SI: variants seen among roughly 807,000 people sequenced by gnomAD.
SI encodes sucrase-isomaltase.
SI carries 235 observed loss-of-function variants against 253.3 expected under a neutral mutation model. That is an observed-to-expected ratio of 0.93 (90% CI 0.83 to 1.03). SI has a LOEUF of 1.03. Among genes scored for constraint, SI ranks in the 50% least tolerant of loss-of-function variants. The probability of loss-of-function intolerance (pLI) is 0.00; values close to 1 mark genes in which losing one functional copy is unlikely to be tolerated. For synonymous variants in SI, 819 were observed against 712.0 expected (o/e 1.15, Z -2.39); for missense variants, 2,442 against 2,211.1 (o/e 1.10, Z -2.09).
At chr3:165,056,088 C>T (rs537833997) in intron 12 of SI, among the ~76,000 whole-genome samples, 1 of 152,006 alleles carries the variant, frequency 6.6e-6, no homozygotes, top group East Asian at 1.9e-4. Flanking sequence ...TCACATTAGG[C>T]AAGGAGAATT....
chr3:165,015,303 A>G, intron 32 of SI, 70 bp from the exon 33 acceptor site: 1 of 1,036,500 alleles, frequency 9.6e-7, no homozygotes, highest in South Asian at 1.3e-5. Context: ...GTGATTATGA[A>G]GCATAAGTTT....
At chr3:165,014,507 C>G (rs1718934159) in intron 33 of SI, among the ~76,000 whole-genome samples, 1 of 152,122 alleles carries the variant, frequency 6.6e-6, no homozygotes, top group South Asian at 2.1e-4. Context: ...CCTTGGCCTC[C>G]CAAAGAGCTG....
chr3:165,025,519 C>T (rs1711864844), intron 25 of SI, among the ~76,000 whole-genome samples: 1 of 151,058 alleles, frequency 6.6e-6, no homozygotes, highest in Non-Finnish European at 1.5e-5. Context: ...ATATTCATCG[C>T]AAAAAGGTCA....
chr3:165,073,550 G>T (rs930177498), intron 3 of SI, among the ~76,000 whole-genome samples: 3 of 151,940 alleles, frequency 2.0e-5, no homozygotes. Flanking sequence ...AAATTTTATA[G>T]TTTATTCAGT....
At chr3:165,075,769 C>A in intron 2 of SI, 126 bp downstream of exon 2, 2 of 612,604 alleles carry the variant, frequency 3.3e-6, no homozygotes, top group Non-Finnish European at 3.0e-6. Context: ...AATTGTGTAA[C>A]TTACCCTGGA....
Position 165,015,141 on chromosome 3 carries a change from A to T in SI, c.3981T>A (p.Asn1327Lys). The T allele has an allele frequency of 6.2e-7, 1 of 1,611,352 alleles. No homozygotes were observed. Among genetic ancestry groups the T allele is most frequent in the South Asian group, 1.1e-5 (1 of 91,020 alleles). ...TTAGTACCTTTGCCCAACAAATGTCATTGGTGTTTGGCCATTTGACAAAGA... is the reference window on the plus strand; with the variant it reads ...TTAGTACCTTTGCCCAACAAATGTCTTTGGTGTTTGGCCATTTGACAAAGA... ...NDVFVKWPNTNDICWAKVWPD... is the reference protein window; with the variant it reads ...NDVFVKWPNTKDICWAKVWPD... The change falls in exon 33 of 48, where the codon AAT (asparagine) becomes AAA (lysine). Residue 1327 changes from asparagine to lysine, a missense_variant. By Grantham distance (94) the Asn-to-Lys change is moderately conservative. Transcript: ENST00000264382.
At chr3:164,979,925 T>G (rs1717099772) in intron 47 of SI, among the ~76,000 whole-genome samples, 1 of 151,878 alleles carries the variant, frequency 6.6e-6, no homozygotes, top group Admixed American at 6.6e-5. Flanking sequence ...TCACTGGAGA[T>G]AATCTAAAGT....
At chr3:164,998,089 T>C (rs891674981) in intron 38 of SI, among the ~76,000 whole-genome samples, 2 of 151,830 alleles carry the variant, frequency 1.3e-5, no homozygotes, top group African/African-American at 4.8e-5. Context: ...TTTTTAGCTG[T>C]TTGAGGAATC....
chr3:165,069,342 T>C (rs1714421351), intron 3 of SI, 147 bp from the exon 4 acceptor site: 3 of 648,224 alleles, frequency 4.6e-6, no homozygotes, highest in Non-Finnish European at 8.3e-6. Flanking sequence ...TTTTGTTTCT[T>C]CTACCTGGAA....
At chr3:165,004,400 A>C (rs1718402794) in intron 37 of SI, among the ~76,000 whole-genome samples, 2 of 152,160 alleles carry the variant, frequency 1.3e-5, no homozygotes, top group African/African-American at 2.4e-5. Flanking sequence ...AAGTTTCCCC[A>C]AAAAATAAAA....
chr3:165,077,681 T>A (rs1715091078), intron 1 of SI, among the ~76,000 whole-genome samples: 1 of 151,734 alleles, frequency 6.6e-6, no homozygotes, highest in South Asian at 2.1e-4. Context: ...ACATTTAGTG[T>A]ACAACTTTAA....
At chr3:165,048,966 G>A (rs1407651850) in intron 15 of SI, among the ~76,000 whole-genome samples, 161 bp downstream of exon 15, 3 of 152,026 alleles carry the variant, frequency 2.0e-5, no homozygotes, top group Admixed American at 6.6e-5. Flanking sequence ...ATATTAGTAA[G>A]AGAACTGATA....
chr3:165,076,950 T>C (rs948080922), intron 1 of SI, among the ~76,000 whole-genome samples: 47 of 150,472 alleles, frequency 3.1e-4, no homozygotes, highest in African/African-American at 1.1e-3. Context: ...AGTGCTTTAA[T>C]AAATTATTGG....
rs1717065664 is a variant in SI, at chr3:164,979,308, G to C, written c.*54C>G. ...GAAGAGGGAAAATTGTAAGTGCTGT[G>C]AAACTTAAATCCTGGTGTTTTTTCC... On this transcript the variant is annotated 3_prime_UTR_variant, in exon 48 of 48. Transcript: ENST00000264382. 9.6e-7 allele frequency: 1 copy of C among 1,044,962 alleles called. No individual in the cohort carries two copies. Among genetic ancestry groups the C allele is most frequent in the Non-Finnish European group, 1.5e-6 (1 of 665,834 alleles). The allele number at this position is 1,044,962 out of a possible 1,614,324, so 64.7% of individuals were successfully genotyped here. A position where few individuals can be genotyped will look rare whatever the true frequency, so the allele number is the denominator to read the frequency against.
At chr3:165,075,760 A>C in intron 2 of SI, 135 bp downstream of exon 2, 1 of 587,070 alleles carries the variant, frequency 1.7e-6, no homozygotes, top group East Asian at 2.8e-5. Context: ...AGTGGAAGTA[A>C]TTGTGTAACT....
chr3:165,058,913 T>C, intron 12 of SI, 50 bp downstream of exon 12: 1 of 1,490,686 alleles, frequency 6.7e-7, no homozygotes, highest in Non-Finnish European at 9.3e-7. Flanking sequence ...CTTTATTATT[T>C]CAGAGAAGAA....
At chr3:165,054,073 T>C (rs1276676392) in intron 13 of SI, among the ~76,000 whole-genome samples, 2 of 152,112 alleles carry the variant, frequency 1.3e-5, no homozygotes, top group African/African-American at 4.8e-5. Context: ...TCCATCTTTG[T>C]ATTCCCAACA....
intron 9 of SI, among the ~76,000 whole-genome samples, chr3:165,062,028 C>G (rs1410496636): frequency 6.6e-6 from 1 of 151,922 alleles, no homozygotes; most frequent in African/African-American, 2.4e-5. Context: ...ATTGCCTATC[C>G]TCAGTGTTAA....
chr3:165,018,876 T>C (rs1243014713), intron 28 of SI, among the ~76,000 whole-genome samples: 3 of 151,780 alleles, frequency 2.0e-5, no homozygotes, highest in Non-Finnish European at 4.4e-5. Flanking sequence ...TATTATGATA[T>C]AAATGCAAGC....
Sources: gnomAD v4.1 joint callset for allele counts (sites outside exome capture counted in the v4.1 genomes callset) on GRCh38, gnomAD v4.1.1 for gene constraint, MANE v1.5 for transcripts, NCBI Gene and HGNC (gene_info 2026-07-23, HGNC 2026-07-21) for gene names.